CNTN4: variants seen among roughly 807,000 people sequenced by gnomAD.
CNTN4 encodes contactin 4.
In CNTN4, 77 loss-of-function variants were observed where a neutral mutation model predicts 122.5. The observed-to-expected ratio is 0.63, with a 90% CI of 0.52 to 0.76. The LOEUF is 0.76. Among genes scored for constraint, CNTN4 ranks in the 30% least tolerant of loss-of-function variants. The pLI is 0.00. For synonymous variants in CNTN4, 512 were observed against 447.0 expected (o/e 1.15, Z -1.83); for missense variants, 1,256 against 1,259.1 (o/e 1.00, Z 0.04).
intron 7 of CNTN4, among the ~76,000 whole-genome samples, chr3:2,846,665 G>A (rs570747775): frequency 6.6e-6 from 1 of 152,254 alleles, no homozygotes; most frequent in South Asian, 2.1e-4. Context: ...GGACTCCTCT[G>A]TTCATAGCTG....
intron 6 of CNTN4, among the ~76,000 whole-genome samples, chr3:2,779,956 GTTAATTTA>G (rs1403724677): frequency 4.6e-5 from 7 of 152,174 alleles, no homozygotes; most frequent in African/African-American, 1.7e-4. Flanking sequence ...TAAGAAATTT[GTTAATTTA>G]TTCATTTATT....
At chr3:2,370,701 A>T (rs2045597012) in intron 3 of CNTN4, among the ~76,000 whole-genome samples, 1 of 152,216 alleles carries the variant, frequency 6.6e-6, no homozygotes, top group Non-Finnish European at 1.5e-5. Context: ...GTGTAAGTGA[A>T]TGTGTTACTT....
At chr3:2,350,947 G>T (rs1249568758) in intron 3 of CNTN4, among the ~76,000 whole-genome samples, 1 of 152,164 alleles carries the variant, frequency 6.6e-6, no homozygotes, top group Non-Finnish European at 1.5e-5. Context: ...TCTGATTAAT[G>T]CAGCCTCCCA....
intron 2 of CNTN4, among the ~76,000 whole-genome samples, chr3:2,202,101 T>C (rs2038123903): frequency 6.6e-6 from 1 of 152,160 alleles, no homozygotes; most frequent in African/African-American, 2.4e-5. Context: ...ATTTTTATTT[T>C]GCTTTTTGAA....
intron 10 of CNTN4, among the ~76,000 whole-genome samples, chr3:2,896,932 T>G (rs953417049): frequency 4.6e-5 from 3 of 65,444 alleles, no homozygotes; most frequent in African/African-American, 1.1e-4. Context: ...ATTTAGAGGG[T>G]TTTTTTTTTT....
chr3:2,302,212 T>G (rs892530340), intron 2 of CNTN4, among the ~76,000 whole-genome samples: 16 of 152,136 alleles, frequency 1.1e-4, no homozygotes, highest in Admixed American at 9.2e-4. Context: ...GGGTGGTTCA[T>G]GAGGTCAGGA....
At chr3:2,710,092 CAGTT>C (rs2087036548) in intron 4 of CNTN4, among the ~76,000 whole-genome samples, 2 of 152,248 alleles carry the variant, frequency 1.3e-5, no homozygotes, top group South Asian at 2.1e-4. Flanking sequence ...GTTCGAACCA[CAGTT>C]AGTAAATACA....
chr3:2,996,982 T>TA (rs1695595602), intron 14 of CNTN4, among the ~76,000 whole-genome samples: 1 of 152,230 alleles, frequency 6.6e-6, no homozygotes, highest in South Asian at 2.1e-4. Flanking sequence ...CATATCTTTT[T>TA]AAAGTACATC....
intron 2 of CNTN4, among the ~76,000 whole-genome samples, chr3:2,211,282 C>G (rs1374980685): frequency 6.6e-6 from 1 of 152,082 alleles, no homozygotes; most frequent in African/African-American, 2.4e-5. Context: ...CATGAGGGAT[C>G]CACCCCCATG....
intron 2 of CNTN4, among the ~76,000 whole-genome samples, chr3:2,116,704 G>A (rs1427445794): frequency 1.3e-5 from 2 of 152,114 alleles, no homozygotes; most frequent in Non-Finnish European, 2.9e-5. Context: ...GAATCTTTAT[G>A]TGCATTGTGA....
At chr3:2,907,032 C>T (rs1053883685) in intron 12 of CNTN4, among the ~76,000 whole-genome samples, 12 of 152,068 alleles carry the variant, frequency 7.9e-5, no homozygotes, top group African/African-American at 2.7e-4. Flanking sequence ...TGTGTAAACC[C>T]GTAGAGTCTC....
intron 8 of CNTN4, among the ~76,000 whole-genome samples, chr3:2,873,547 A>G (rs765112985): frequency 4.6e-5 from 7 of 152,196 alleles, no homozygotes; most frequent in Non-Finnish European, 8.8e-5. Context: ...AAAGCAGAAA[A>G]CTAAAAGATT....
intron 4 of CNTN4, among the ~76,000 whole-genome samples, chr3:2,589,253 A>G (rs898015793): frequency 2.6e-5 from 4 of 152,178 alleles, no homozygotes; most frequent in African/African-American, 9.6e-5. Context: ...GAGATTTGAC[A>G]CAGAAACCAT....
chr3:2,230,967 G>A (rs931961039), intron 2 of CNTN4, among the ~76,000 whole-genome samples: 2 of 151,918 alleles, frequency 1.3e-5, no homozygotes, highest in Non-Finnish European at 2.9e-5. Context: ...CAGCCTGGGC[G>A]ACAAAGCGAG....
In CNTN4 at chr3:2,650,093, A is replaced by G. The variant is rs966640588; in HGVS notation, c.55+78535A>G. Among the ~76,000 whole-genome samples, 4 of 147,814 alleles carry G rather than the reference A, an allele frequency of 2.7e-5. No individual in the cohort carries two copies. The East Asian group carries it at 5.8e-4, about 22-fold the overall frequency. On this transcript the variant is annotated intron_variant, in intron 4 of 24. Coordinates refer to ENST00000418658, the MANE Select transcript of CNTN4 (RefSeq NM_175607.3). Reference sequence around the variant, plus strand: ...TTTTTATAAATATATATATATATATAAAAGGGAAGGGAAAAGGAAGGAAGG... The same window carrying G: ...TTTTTATAAATATATATATATATATGAAAGGGAAGGGAAAAGGAAGGAAGG...
chr3:2,961,596 A>G (rs2094860087), intron 13 of CNTN4, among the ~76,000 whole-genome samples: 1 of 152,204 alleles, frequency 6.6e-6, no homozygotes, highest in African/African-American at 2.4e-5. Flanking sequence ...AAATGTTGTT[A>G]AATCCCTGCT....
At chr3:2,896,282 CAAGG>C (rs2151092083) in intron 10 of CNTN4, among the ~76,000 whole-genome samples, 1 of 152,102 alleles carries the variant, frequency 6.6e-6, no homozygotes, top group Admixed American at 6.5e-5. Flanking sequence ...AAGGCTGCAG[CAAGG>C]AAGCAGCCTT....
At chr3:2,705,150 C>T (rs2086581871) in intron 4 of CNTN4, among the ~76,000 whole-genome samples, 1 of 150,998 alleles carries the variant, frequency 6.6e-6, no homozygotes, top group South Asian at 2.1e-4. Flanking sequence ...AGGCGGATCA[C>T]GAGGTCAGGA....
chr3:2,720,099 G>A (rs2087748955), intron 4 of CNTN4, among the ~76,000 whole-genome samples: 2 of 152,138 alleles, frequency 1.3e-5, no homozygotes, highest in South Asian at 4.1e-4. Context: ...TGTGACTAGG[G>A]TAAGTATCAT....
Sources: gnomAD v4.1 joint callset for allele counts (sites outside exome capture counted in the v4.1 genomes callset) on GRCh38, gnomAD v4.1.1 for gene constraint, MANE v1.5 for transcripts, NCBI Gene and HGNC (gene_info 2026-07-23, HGNC 2026-07-21) for gene names.